CA10: variants seen among roughly 807,000 people sequenced by gnomAD.
The protein encoded by CA10 is carbonic anhydrase-related protein 10.
A neutral mutation model predicts 44.2 loss-of-function variants in CA10; 14 were observed. The observed-to-expected ratio is 0.32, with a 90% CI of 0.21 to 0.50. The LOEUF (loss-of-function observed/expected upper bound fraction) is 0.50. CA10 is among the 20% of genes least tolerant of loss of function. CA10 has a pLI of 0.99. For synonymous variants in CA10, 159 were observed against 141.6 expected, an observed-to-expected ratio of 1.12 and a Z score of -0.87; for missense variants, 350 against 409.7, an observed-to-expected ratio of 0.85 and a Z score of 1.26.
chr17:51,918,954 T>A (rs1188132438), intron 3 of CA10, among the ~76,000 whole-genome samples: 1 of 152,170 alleles, frequency 6.6e-6, no homozygotes, highest in African/African-American at 2.4e-5. Context: ...CATTAAATCT[T>A]CATCAGAAAA....
At chr17:52,066,548 C>G (rs1987541963) in intron 2 of CA10, among the ~76,000 whole-genome samples, 1 of 152,170 alleles carries the variant, frequency 6.6e-6, no homozygotes, top group South Asian at 2.1e-4. Context: ...TTCCTCTGCA[C>G]AAGCTCTTTT....
intron 2 of CA10, among the ~76,000 whole-genome samples, chr17:52,042,223 G>A: frequency 6.6e-6 from 1 of 151,970 alleles, no homozygotes. Flanking sequence ...CGGTGTATAA[G>A]GGTTCACTTT....
intron 2 of CA10, among the ~76,000 whole-genome samples, chr17:51,998,046 C>G (rs1985296915): frequency 6.6e-6 from 1 of 152,074 alleles, no homozygotes; most frequent in Non-Finnish European, 1.5e-5. Flanking sequence ...AGCATATTAA[C>G]TGTAGTATCT....
chr17:52,072,521 A>C, intron 1 of CA10, 128 bp from the exon 2 acceptor site: 1 of 548,958 alleles, frequency 1.8e-6, no homozygotes, highest in Non-Finnish European at 3.1e-6. Context: ...CTACAACAGA[A>C]CCTTCCTTCT....
At chr17:52,044,513 AG>A (rs1045578368) in intron 2 of CA10, among the ~76,000 whole-genome samples, 2 of 151,982 alleles carry the variant, frequency 1.3e-5, no homozygotes, top group African/African-American at 4.8e-5. Flanking sequence ...CATGTTGCCC[AG>A]GCTGGTCTCG....
rs557739437 is a variant in CA10, at chr17:52,128,065, T to A, written c.61+29661A>T. Among the ~76,000 whole-genome samples, 4 of 152,330 alleles carry A rather than the reference T, an allele frequency of 2.6e-5. No individual in the cohort carries two copies. In the East Asian group the frequency reaches 7.7e-4, roughly 29 times the overall value. ...TAAATCTACCCAGGGACATAAGGGC[T>A]ATTAAGACATAGAGCAGAAATCTGA... is the stretch of plus-strand genomic sequence containing the variant. On this transcript the variant is annotated intron_variant, in intron 1 of 8. Transcript: ENST00000451037.
chr17:51,992,593 G>A (rs1268646480), intron 2 of CA10, among the ~76,000 whole-genome samples: 1 of 152,118 alleles, frequency 6.6e-6, no homozygotes, highest in Non-Finnish European at 1.5e-5. Flanking sequence ...CTCTAAAATA[G>A]TAACTTGACC....
At chr17:51,868,883 GT>G (rs138620002) in intron 3 of CA10, among the ~76,000 whole-genome samples, 18,584 of 148,620 alleles carry the variant, frequency 0.13, 1,447 homozygotes, top group African/African-American at 0.23. Context: ...GAAGCCAAAA[GT>G]TTTTTTGTTT....
At chr17:51,726,309 C>A (rs1445193245) in intron 4 of CA10, among the ~76,000 whole-genome samples, 1 of 152,114 alleles carries the variant, frequency 6.6e-6, no homozygotes, top group East Asian at 1.9e-4. Context: ...TGATGTTGGT[C>A]AAAGGATTCA....
intron 4 of CA10, among the ~76,000 whole-genome samples, chr17:51,727,423 A>C (rs1256421249): frequency 2.0e-5 from 3 of 152,032 alleles, no homozygotes; most frequent in African/African-American, 7.2e-5. Flanking sequence ...TTTAAAATGA[A>C]GTTTCTTTTG....
rs1989865824 is a variant in CA10, at chr17:52,158,433, T to A, written c.-647A>T. ...CACACAGAGAAAGAGAGGCAGGGAT[T>A]ATTGCCCGAAACCGCCAGCCGCCGG... On this transcript the variant is annotated 5_prime_UTR_variant, in exon 1 of 9. Transcript: ENST00000451037. 1 of 156,968 alleles carries A rather than the reference T, an allele frequency of 6.4e-6. No homozygotes were observed. The highest frequency in any genetic ancestry group is 6.4e-5 in the Admixed American group (1 of 15,576). 9.7% of individuals were successfully genotyped at this position (156,968 alleles called of 1,614,324 possible).
At chr17:51,846,479 T>C (rs1978498648) in intron 3 of CA10, among the ~76,000 whole-genome samples, 1 of 152,212 alleles carries the variant, frequency 6.6e-6, no homozygotes, top group Non-Finnish European at 1.5e-5. Flanking sequence ...TTACAGGTAT[T>C]AGCCCTGGAA....
chr17:52,055,081 C>A (rs1206901537), intron 2 of CA10, among the ~76,000 whole-genome samples: 1 of 151,958 alleles, frequency 6.6e-6, no homozygotes, highest in Non-Finnish European at 1.5e-5. Context: ...CATTTTTGAA[C>A]TTCAGGAATA....
intron 2 of CA10, among the ~76,000 whole-genome samples, chr17:51,938,920 A>G (rs1367700355): frequency 6.6e-6 from 1 of 152,050 alleles, no homozygotes; most frequent in Non-Finnish European, 1.5e-5. Context: ...AGAATTTGAG[A>G]TCAGTTTCTT....
Position 52,080,903 on chromosome 17 carries a change from T to C in CA10, c.62-8510A>G, listed in dbSNP as rs145640607. Among the ~76,000 whole-genome samples, 17 of 152,332 alleles carry C rather than the reference T, an allele frequency of 1.1e-4. No individual in the cohort carries two copies. The East Asian group carries it at 3.1e-3, about 28-fold the overall frequency. ...GTCTATTCCTCATTTGCCATTCCTG[T>C]TAATTCAAGAAACATCTAGTGAGTA... On this transcript the variant is annotated intron_variant, in intron 1 of 8. Transcript: ENST00000451037.
chr17:52,055,942 A>T (rs188612357), intron 2 of CA10, among the ~76,000 whole-genome samples: 38 of 152,242 alleles, frequency 2.5e-4, no homozygotes, highest in Admixed American at 2.4e-3. Flanking sequence ...AGGTGATCAC[A>T]TGGGGAGGTA....
intron 4 of CA10, among the ~76,000 whole-genome samples, chr17:51,680,911 C>T (rs1161346623): frequency 6.7e-6 from 1 of 148,906 alleles, no homozygotes; most frequent in Non-Finnish European, 1.5e-5. Context: ...AAAAGACTTC[C>T]ATTTCCCCCC....
chr17:51,841,027 T>A (rs142814874), intron 3 of CA10, among the ~76,000 whole-genome samples: 2 of 152,126 alleles, frequency 1.3e-5, no homozygotes, highest in Non-Finnish European at 2.9e-5. Flanking sequence ...TAGGGAGAGA[T>A]GGTAACGGCC....
chr17:51,900,266 TTA>T (rs1302233309), intron 3 of CA10, among the ~76,000 whole-genome samples: 3 of 152,146 alleles, frequency 2.0e-5, no homozygotes. Context: ...AAAAAGATTC[TTA>T]TGTTTCCTTT....
Sources: allele counts gnomAD v4.1 joint callset (sites outside exome capture counted in the v4.1 genomes callset), GRCh38; gene constraint gnomAD v4.1.1; transcripts MANE v1.5; gene names NCBI Gene and HGNC (gene_info 2026-07-23, HGNC 2026-07-21).